Variants in NAV1 observed in about 807,000 individuals in gnomAD.
NAV1 encodes the protein pore membrane and/or filament interacting like protein 3.
In NAV1, 18 loss-of-function variants were observed where a neutral mutation model predicts 175.2. The ratio of observed to expected loss-of-function variants is 0.10; its 90% CI spans 0.07 to 0.15. The LOEUF (loss-of-function observed/expected upper bound fraction) is 0.15, where lower values mean the gene tolerates loss of function less well. Among genes scored for constraint, NAV1 ranks in the 10% least tolerant of loss-of-function variants. NAV1 has a pLI of 1.00. For synonymous variants in NAV1, 897 were observed against 978.7 expected, an observed-to-expected ratio of 0.92 and a Z score of 1.56; for missense variants, 1,731 against 2,436.6, an observed-to-expected ratio of 0.71 and a Z score of 6.10.
At chr1:201,817,281 C>G in exon 29 of NAV1, 1 of 1,613,990 alleles carries the variant, frequency 6.2e-7, no homozygotes, top group Non-Finnish European at 8.5e-7. Context: ...GACTCAGATC[C>G]TCTGGTGAGT....
At chr1:201,784,129 A>T (rs1676532332) in intron 7 of NAV1, among the ~76,000 whole-genome samples, 1 of 152,226 alleles carries the variant, frequency 6.6e-6, no homozygotes. Context: ...CCTATCATCC[A>T]GAGCTTTTGC....
intron 2 of NAV1, among the ~76,000 whole-genome samples, chr1:201,602,653 TTTTTTTTTTTTTGG>T (rs1274157350): frequency 0.063 from 7,987 of 125,900 alleles, 350 homozygotes; most frequent in East Asian, 0.17. Flanking sequence ...TTTTTTTGGT[TTTTTTTTTTTTTGG>T]TTTTTTTTTT....
intron 2 of NAV1, among the ~76,000 whole-genome samples, chr1:201,604,300 C>T (rs1449261542): frequency 2.6e-5 from 4 of 152,186 alleles, no homozygotes; most frequent in Admixed American, 2.6e-4. Flanking sequence ...AAGTCATCCT[C>T]CTGCATTGGC....
intron 1 of NAV1, among the ~76,000 whole-genome samples, chr1:201,562,072 A>C (rs1666216939): frequency 6.6e-6 from 1 of 151,990 alleles, no homozygotes; most frequent in Non-Finnish European, 1.5e-5. Flanking sequence ...CGGCACCATC[A>C]TAGCTCACTG....
intron 1 of NAV1, among the ~76,000 whole-genome samples, chr1:201,701,963 A>G (rs1671445124): frequency 6.6e-6 from 1 of 152,266 alleles, no homozygotes; most frequent in Non-Finnish European, 1.5e-5. Context: ...TACTAGGCCA[A>G]AAGTTGAGAT....
At chr1:201,596,724 C>T (rs1469278684) in intron 2 of NAV1, among the ~76,000 whole-genome samples, 3 of 152,080 alleles carry the variant, frequency 2.0e-5, no homozygotes, top group African/African-American at 4.8e-5. Context: ...GAGTGGTGAA[C>T]GAAATATGGT....
At chr1:201,729,257 C>T (rs1185629003) in intron 3 of NAV1, among the ~76,000 whole-genome samples, 1 of 152,260 alleles carries the variant, frequency 6.6e-6, no homozygotes, top group East Asian at 1.9e-4. Flanking sequence ...GATCCCAGCT[C>T]TGAGTCTTTG....
At chr1:201,786,543 G>A in exon 9 of NAV1, 3 of 1,613,850 alleles carry the variant, frequency 1.9e-6, no homozygotes, top group Non-Finnish European at 2.5e-6. Flanking sequence ...CACTTCCCAT[G>A]TCTCTGAGTG....
chr1:201,662,775 T>A (rs1669663175), intron 1 of NAV1, among the ~76,000 whole-genome samples: 1 of 152,200 alleles, frequency 6.6e-6, no homozygotes, highest in Admixed American at 6.5e-5. Context: ...CTGGAGAACC[T>A]AGAGGCGACT....
chr1:201,654,795 A>G (rs575440268), intron 1 of NAV1, among the ~76,000 whole-genome samples: 169 of 152,252 alleles, frequency 1.1e-3, no homozygotes, highest in African/African-American at 3.7e-3. Flanking sequence ...CTATAGCATC[A>G]TAGGCAGGTG....
chr1:201,715,263 C>T (rs1023404780), intron 2 of NAV1, among the ~76,000 whole-genome samples: 19 of 151,082 alleles, frequency 1.3e-4, no homozygotes, highest in South Asian at 2.1e-4. Flanking sequence ...CCAGGTCAAG[C>T]GATTCTTCTG....
intron 13 of NAV1, 34 bp downstream of exon 17, chr1:201,790,800 G>A (rs775396820): frequency 6.2e-7 from 1 of 1,609,782 alleles, no homozygotes; most frequent in Admixed American, 1.7e-5. Context: ...GATCAAGGCA[G>A]TTATTTTGAC....
At chr1:201,728,516 C>T (rs181136057) in intron 3 of NAV1, among the ~76,000 whole-genome samples, 1 of 151,408 alleles carries the variant, frequency 6.6e-6, no homozygotes, top group East Asian at 1.9e-4. Flanking sequence ...ATCACTTGTA[C>T]CCAGAATGTG....
chr1:201,822,084 C>T (rs1379720554), exon 30 of NAV1: 3 of 152,678 alleles, frequency 2.0e-5, no homozygotes, highest in Non-Finnish European at 4.4e-5. Flanking sequence ...GGTAAGCTCC[C>T]ATGGATGACA....
intron 3 of NAV1, among the ~76,000 whole-genome samples, chr1:201,731,467 C>T (rs1383543325): frequency 8.5e-5 from 13 of 152,064 alleles, no homozygotes; most frequent in East Asian, 7.7e-4. Flanking sequence ...CAGAGCAGGG[C>T]GAGTATATTC....
At chr1:201,548,773 G>A (rs1444058512) in intron 1 of NAV1, among the ~76,000 whole-genome samples, 2 of 152,204 alleles carry the variant, frequency 1.3e-5, no homozygotes, top group African/African-American at 4.8e-5. Context: ...TTGGGAGGAA[G>A]AAAAGGAGAA....
intron 1 of NAV1, among the ~76,000 whole-genome samples, chr1:201,696,524 G>A (rs879367051): frequency 7.2e-5 from 11 of 152,230 alleles, no homozygotes; most frequent in African/African-American, 1.4e-4. Context: ...CTGGCAGCCC[G>A]ATGTCTTGGA....
At chr1:201,580,277 T>G (rs1165899492) in intron 1 of NAV1, among the ~76,000 whole-genome samples, 2 of 152,192 alleles carry the variant, frequency 1.3e-5, no homozygotes, top group Non-Finnish European at 1.5e-5. Context: ...TACCCAGAAA[T>G]AATGTTTACT....
At chr1:201,790,966 A>G (rs539109831) in intron 13 of NAV1, 200 bp downstream of exon 17, 22 of 590,202 alleles carry the variant, frequency 3.7e-5, no homozygotes, top group African/African-American at 3.2e-4. Context: ...ATGAAGAACC[A>G]TTTTGCTTCT....
Sources: allele counts gnomAD v4.1 joint callset (sites outside exome capture counted in the v4.1 genomes callset), GRCh38; gene constraint gnomAD v4.1.1; transcripts MANE v1.5; gene names NCBI Gene and HGNC (gene_info 2026-07-23, HGNC 2026-07-21).